SORCS2: variants seen among roughly 807,000 people sequenced by gnomAD.
SORCS2 encodes the protein VPS10 domain-containing receptor SorCS2.
A neutral mutation model predicts 141.6 loss-of-function variants in SORCS2; 100 were observed. That is an observed-to-expected ratio of 0.71 (90% CI 0.60 to 0.83). The LOEUF (loss-of-function observed/expected upper bound fraction) is 0.83, where lower values mean the gene tolerates loss of function less well. Ranked by LOEUF, SORCS2 falls within the 40% of genes least tolerant of loss-of-function variation. The pLI, the probability that SORCS2 is intolerant of heterozygous loss-of-function variation, is 0.00. For synonymous variants in SORCS2, 789 were observed against 676.9 expected (o/e 1.17, Z -2.57); for missense variants, 1,646 against 1,560.2 (o/e 1.05, Z -0.93).
chr4:7,336,482 T>G (rs866894416), intron 1 of SORCS2, among the ~76,000 whole-genome samples: 1 of 136,648 alleles, frequency 7.3e-6, no homozygotes, highest in South Asian at 2.5e-4. Context: ...GGACCTCCTG[T>G]TCGCATCTTG....
intron 2 of SORCS2, among the ~76,000 whole-genome samples, chr4:7,499,151 C>A (rs372534315): frequency 1.4e-5 from 1 of 70,208 alleles, no homozygotes; most frequent in African/African-American, 5.6e-5. Context: ...AAATGTAGCA[C>A]GAGTATGTGC....
At chr4:7,577,755 G>A (rs968413829) in intron 3 of SORCS2, among the ~76,000 whole-genome samples, 1 of 149,268 alleles carries the variant, frequency 6.7e-6, no homozygotes, top group Admixed American at 6.7e-5. Flanking sequence ...GTTTGGAGAA[G>A]TCATATAGCA....
At chr4:7,469,102 A>ATGG (rs1449381155) in intron 2 of SORCS2, among the ~76,000 whole-genome samples, 1 of 151,924 alleles carries the variant, frequency 6.6e-6, no homozygotes, top group Non-Finnish European at 1.5e-5. Context: ...GCTGGCTGTG[A>ATGG]TGGTGGTGGT....
intron 2 of SORCS2, among the ~76,000 whole-genome samples, chr4:7,475,142 C>T (rs1730212389): frequency 6.6e-6 from 1 of 152,172 alleles, no homozygotes. Flanking sequence ...CACCCGATTC[C>T]ACCAAAAACA....
rs115405495 is a variant in SORCS2, at chr4:7,247,075, G to T, written c.480+53949G>T. On this transcript the variant is annotated intron_variant, in intron 1 of 26. Transcript: ENST00000507866. ...AGGTGAGAAGGCCAGTGAGATGTTT[G>T]GTGAGGGGAGCAGTGGGCCTACCTG... Among the ~76,000 whole-genome samples the T allele has an allele frequency of 9.5e-3, 1,446 of 152,266 alleles. 25 individuals are homozygous for T. The highest frequency in any genetic ancestry group is 0.033 in the African/African-American group (1,381 of 41,540).
intron 4 of SORCS2, among the ~76,000 whole-genome samples, chr4:7,650,050 C>T (rs1721332915): frequency 1.3e-5 from 2 of 152,214 alleles, no homozygotes; most frequent in African/African-American, 2.4e-5. Flanking sequence ...TTGAGCCTTC[C>T]TTCCTTCCTG....
intron 3 of SORCS2, among the ~76,000 whole-genome samples, chr4:7,619,187 G>A (rs545628641): frequency 6.6e-6 from 1 of 152,290 alleles, no homozygotes; most frequent in South Asian, 2.1e-4. Context: ...GTGCCACTCG[G>A]CACCTGGCTA....
At chr4:7,455,541 G>A (rs184321086) in intron 2 of SORCS2, among the ~76,000 whole-genome samples, 83 of 140,802 alleles carry the variant, frequency 5.9e-4, no homozygotes, top group African/African-American at 2.0e-3. Context: ...AGTGTCATGC[G>A]CCACGTTAGG....
rs184520649 is a variant in SORCS2 at position 7,214,390 on chromosome 4, C to T, written c.480+21264C>T. Among the ~76,000 whole-genome samples, 4 of 152,272 alleles carry T rather than the reference C, an allele frequency of 2.6e-5. No individual in the cohort carries two copies. In the East Asian group the frequency reaches 5.8e-4, roughly 22 times the overall value. On this transcript the variant is annotated intron_variant, in intron 1 of 26. Coordinates refer to ENST00000507866, the MANE Select transcript of SORCS2 (RefSeq NM_020777.3). Reference sequence around the variant, plus strand: ...CTCTTTCTCACCCTAGCCTTTCTGCCTCCCACCATAGGATCATCCTCACCA... The same window carrying T: ...CTCTTTCTCACCCTAGCCTTTCTGCTTCCCACCATAGGATCATCCTCACCA...
intron 2 of SORCS2, among the ~76,000 whole-genome samples, chr4:7,414,057 T>C (rs1725501679): frequency 6.6e-6 from 1 of 152,204 alleles, no homozygotes. Flanking sequence ...CCTCCTTTCC[T>C]GGTGTGAATG....
At chr4:7,428,165 G>A (rs1577544224) in intron 2 of SORCS2, among the ~76,000 whole-genome samples, 1 of 152,192 alleles carries the variant, frequency 6.6e-6, no homozygotes, top group Non-Finnish European at 1.5e-5. Flanking sequence ...TCCCTGGGGC[G>A]GCTGCTGGAA....
At chr4:7,633,496 C>A (rs186003985) in intron 3 of SORCS2, among the ~76,000 whole-genome samples, 36 of 152,324 alleles carry the variant, frequency 2.4e-4, no homozygotes, top group African/African-American at 8.2e-4. Context: ...ACCTGGGTGC[C>A]ATTTTCCCTC....
chr4:7,383,561 G>C (rs1723119084), intron 1 of SORCS2, among the ~76,000 whole-genome samples: 1 of 152,180 alleles, frequency 6.6e-6, no homozygotes, highest in South Asian at 2.1e-4. Context: ...TTTAAAAACA[G>C]GATCAGCAAT....
Position 7,280,556 on chromosome 4 carries a change from G to T in SORCS2, c.480+87430G>T, listed in dbSNP as rs576809892. The stretch of plus-strand genomic sequence containing the variant: ...GAGGAAGTACTGCCTGTCATTCTGG[G>T]AGGGCCAGTGTTTAGACATGATGTT... On this transcript the variant is annotated intron_variant, in intron 1 of 26. Coordinates refer to ENST00000507866, the MANE Select transcript of SORCS2 (RefSeq NM_020777.3). Among the ~76,000 whole-genome samples, 8 of 152,290 alleles carry T rather than the reference G, an allele frequency of 5.3e-5. No individual in the cohort carries two copies. In the East Asian group the frequency reaches 1.5e-3, roughly 29 times the overall value.
chr4:7,698,950 G>A (rs1472838319), intron 12 of SORCS2, among the ~76,000 whole-genome samples: 2 of 152,212 alleles, frequency 1.3e-5, no homozygotes, highest in Non-Finnish European at 2.9e-5. Context: ...GTGAGCCCAG[G>A]ACGGTCTCCG....
At chr4:7,353,600 C>G (rs761107514) in intron 1 of SORCS2, among the ~76,000 whole-genome samples, 25 of 152,204 alleles carry the variant, frequency 1.6e-4, no homozygotes, top group Non-Finnish European at 3.5e-4. Context: ...TACCTCCAAT[C>G]TGTTCCCTGG....
intron 2 of SORCS2, among the ~76,000 whole-genome samples, chr4:7,438,248 A>G (rs761093874): frequency 6.6e-6 from 1 of 152,130 alleles, no homozygotes; most frequent in South Asian, 2.1e-4. Context: ...CTTTTGTAGC[A>G]CTGGGGAACC....
In SORCS2 at chr4:7,682,852, G is replaced by T. The variant is rs144615557; in HGVS notation, c.1451G>T (p.Ser484Ile). 3,083 of 1,613,462 alleles carry T rather than the reference G, an allele frequency of 1.9e-3. 2 individuals are homozygous for T. The highest frequency in any genetic ancestry group is 4.2e-3 in the African/African-American group (313 of 75,048). Residue 484 changes from serine (S) to isoleucine (I), a missense_variant, in exon 10 of 27, where the codon AGC becomes ATC. By Grantham distance (142) the Ser-to-Ile change is moderately radical. Coordinates refer to ENST00000507866, the MANE Select transcript of SORCS2 (RefSeq NM_020777.3). ...GRDWDYLRPPSMDMNGKPTNC... is the reference protein window; with the variant it reads ...GRDWDYLRPPIMDMNGKPTNC... ...GACTGGGATTACCTGAGGCCACCCA[G>T]CATGGACATGAATGGAAAACCAACC...
At chr4:7,359,337 T>A (rs983216000) in intron 1 of SORCS2, among the ~76,000 whole-genome samples, 11 of 152,000 alleles carry the variant, frequency 7.2e-5, no homozygotes, top group African/African-American at 2.2e-4. Flanking sequence ...ACTTACTTTG[T>A]CACCCAGGCT....
Sources: allele counts gnomAD v4.1 joint callset (sites outside exome capture counted in the v4.1 genomes callset), GRCh38; gene constraint gnomAD v4.1.1; transcripts MANE v1.5; gene names NCBI Gene and HGNC (gene_info 2026-07-23, HGNC 2026-07-21).